NLRP14: variants seen among roughly 807,000 people sequenced by gnomAD.
The protein encoded by NLRP14 is NACHT, LRR and PYD domains-containing protein 14.
NLRP14 carries 105 observed loss-of-function variants against 94.7 expected under a neutral mutation model. The observed-to-expected ratio is 1.11, with a 90% CI of 0.95 to 1.30. NLRP14 has a LOEUF of 1.30. NLRP14 is among the 50% of genes most tolerant of loss of function. NLRP14 has a pLI of 0.00. For synonymous variants in NLRP14, 508 were observed against 459.9 expected (o/e 1.10, Z -1.34); for missense variants, 1,362 against 1,254.1 (o/e 1.09, Z -1.30).
intron 1 of NLRP14, among the ~76,000 whole-genome samples, chr11:7,031,924 C>T (rs1397476997): frequency 6.6e-6 from 1 of 152,186 alleles, no homozygotes; most frequent in Non-Finnish European, 1.5e-5. Context: ...GTTGGTCATC[C>T]TCTCTAGCCT....
chr11:7,046,874 T>C lies in NLRP14; in HGVS notation c.2123+42T>C, dbSNP rs376679982. On this transcript the variant is annotated intron_variant, in intron 5 of 11. Coordinates refer to ENST00000299481, the MANE Select transcript of NLRP14 (RefSeq NM_176822.4). Reference sequence around the variant, plus strand: ...AAAATTTAATGGAGTTATTCTAATTTCTTTCTGTGTCCCATCTTCCACTCA... The same window carrying C: ...AAAATTTAATGGAGTTATTCTAATTCCTTTCTGTGTCCCATCTTCCACTCA... The C allele has an allele frequency of 7.6e-6, 11 of 1,449,524 alleles. No homozygotes were observed. The South Asian group carries it at 9.1e-5, about 12-fold the overall frequency. 89.8% of individuals were successfully genotyped at this position (1,449,524 alleles called of 1,614,324 possible).
intron 1 of NLRP14, among the ~76,000 whole-genome samples, chr11:7,030,619 A>G (rs1439241408): frequency 6.6e-6 from 1 of 151,908 alleles, no homozygotes; most frequent in Non-Finnish European, 1.5e-5. Flanking sequence ...TGCCCCTTCA[A>G]CAGAATGTAA....
chr11:7,078,619 G>C, the NLRP14 span, among the ~76,000 whole-genome samples: 1 of 151,216 alleles, frequency 6.6e-6, no homozygotes. Context: ...GTGAAACCCC[G>C]TCTCTACTAA....
At chr11:7,029,527 T>G (rs1315422392) in intron 1 of NLRP14, among the ~76,000 whole-genome samples, 1 of 152,230 alleles carries the variant, frequency 6.6e-6, no homozygotes, top group Non-Finnish European at 1.5e-5. Flanking sequence ...ATAGGATCTT[T>G]GCGCTCAGCA....
chr11:7,044,055 A>G, intron 4 of NLRP14, 71 bp downstream of exon 4: 2 of 1,485,468 alleles, frequency 1.3e-6, no homozygotes, highest in Admixed American at 3.4e-5. Flanking sequence ...CAGAGGGAGG[A>G]GGCGTTTAGC....
Position 7,043,997 on chromosome 11 carries a change from G to A in NLRP14, c.1958+13G>A. On this transcript the variant is annotated intron_variant, in intron 4 of 11. Transcript: ENST00000299481. Reference sequence around the variant, plus strand: ...CAACTAACACTTGGTAAGTGTGTTAGGGCCATTCCCTGGAAGTGCCCTGTA... The same window carrying A: ...CAACTAACACTTGGTAAGTGTGTTAAGGCCATTCCCTGGAAGTGCCCTGTA... 1.2e-6 allele frequency: 2 copies of A among 1,613,304 alleles called. No homozygotes were observed. The highest frequency in any genetic ancestry group is 1.7e-6 in the Non-Finnish European group (2 of 1,179,264).
In NLRP14 at chr11:7,042,744, A is replaced by C; in HGVS notation, c.718A>C (p.Thr240Pro). 1 of 1,614,236 alleles carries C rather than the reference A, an allele frequency of 6.2e-7. No individual in the cohort carries two copies. The highest frequency in any genetic ancestry group is 8.5e-7 in the Non-Finnish European group (1 of 1,180,030). ...ATTGATATCAAAGGACTGGCCCAGC[A>C]CAGAAGGCCCCATTGAAGAAATCAT... is the stretch of plus-strand genomic sequence containing the variant. ...AQLISKDWPS[T>P]EGPIEEIMYQ... The change falls in exon 4 of 12, where the codon ACA becomes CCA. Residue 240 changes from threonine to proline, a missense_variant. Coordinates refer to ENST00000299481, the MANE Select transcript of NLRP14 (RefSeq NM_176822.4).
At chr11:7,088,043 A>G in the NLRP14 span, among the ~76,000 whole-genome samples, 254 of 152,334 alleles carry the variant, frequency 1.7e-3, no homozygotes, top group South Asian at 3.1e-3. Flanking sequence ...AAATTTTAAG[A>G]CAGTTCTAGT....
intron 6 of NLRP14, among the ~76,000 whole-genome samples, chr11:7,051,412 G>T (rs1407886293): frequency 2.6e-5 from 4 of 152,146 alleles, no homozygotes; most frequent in Admixed American, 1.3e-4. Context: ...CAAGTTTTTA[G>T]AATTGCATTT....
intron 10 of NLRP14, among the ~76,000 whole-genome samples, chr11:7,062,734 C>T (rs1202681101): frequency 1.3e-5 from 2 of 152,054 alleles, no homozygotes; most frequent in Admixed American, 1.3e-4. Context: ...TGGACAGATA[C>T]TTAGTACGCA....
In NLRP14 at chr11:7,052,357, G is replaced by A. The variant is rs894184865; in HGVS notation, c.2291+2519G>A. Among the ~76,000 whole-genome samples, 6 of 152,218 alleles carry A rather than the reference G, an allele frequency of 3.9e-5. No individual in the cohort carries two copies. In the East Asian group the frequency reaches 7.7e-4, roughly 20 times the overall value. ...AACTAGAATAGTTAGATAAGGCCGGGTGTGGTGGCTCACGCCTGTAATCCC... is the reference window on the plus strand; with the variant it reads ...AACTAGAATAGTTAGATAAGGCCGGATGTGGTGGCTCACGCCTGTAATCCC... On this transcript the variant is annotated intron_variant, in intron 6 of 11. Transcript: ENST00000299481.
At position 7,057,845 on chromosome 11, in the gene NLRP14, G is replaced by A. The variant is rs577505332; in HGVS notation, c.2460G>A (p.Leu820=). 8 of 1,610,738 alleles carry A rather than the reference G, an allele frequency of 5.0e-6. No homozygotes were observed. The Admixed American group carries it at 1.0e-4, about 20-fold the overall frequency. The part of the protein sequence containing the change: ...LRHPKCYLER[L]SLESCGLTEA... ...ATCCAAAGTGTTATCTAGAGAGACT[G>A]TCGTGAGTGTTTCTGTTTTGTTTTC... Residue 820 remains leucine (L), a splice_region_variant and synonymous_variant, in exon 7 of 12, where the codon CTG becomes CTA. Transcript: ENST00000299481.
chr11:7,060,031 T>C lies in NLRP14; in HGVS notation c.2771T>C (p.Phe924Ser), dbSNP rs1199612217. ...DNGVKLLCDVFRHPSCNLQDL... is the reference protein window; with the variant it reads ...DNGVKLLCDVSRHPSCNLQDL... ...GGAGTGAAGCTTCTGTGTGATGTCT[T>C]TCGGCATCCAAGCTGTAATCTTCAG... The change falls in exon 9 of 12, where the codon TTT (phenylalanine) becomes TCT (serine). Residue 924 changes from phenylalanine to serine, a missense_variant. By Grantham distance (155) the Phe-to-Ser change is radical (BLOSUM62 -2). Coordinates refer to ENST00000299481, the MANE Select transcript of NLRP14 (RefSeq NM_176822.4). 1.9e-6 allele frequency: 3 copies of C among 1,612,672 alleles called. 1 individual carries two copies. The highest frequency in any genetic ancestry group is 4.5e-5 in the East Asian group (2 of 44,870).
the NLRP14 span, chr11:7,089,106 G>C: frequency 1.2e-6 from 2 of 1,611,278 alleles, no homozygotes; most frequent in South Asian, 1.1e-5. Flanking sequence ...CTGACCGACC[G>C]TTCGACCGGC....
chr11:7,043,707 C>G lies in NLRP14; in HGVS notation c.1681C>G (p.Leu561Val). 1 of 1,614,110 alleles carries G rather than the reference C, an allele frequency of 6.2e-7. No homozygotes were observed. The highest frequency in any genetic ancestry group is 8.5e-7 in the Non-Finnish European group (1 of 1,179,990). The change falls in exon 4 of 12, where the codon CTT becomes GTT. Residue 561 changes from leucine to valine, a missense_variant. Coordinates refer to ENST00000299481, the MANE Select transcript of NLRP14 (RefSeq NM_176822.4). Reference sequence around the variant, plus strand: ...GTCACTGAAGATAAAATCAAAGTTACTTCAGTGTATGGAAGTATTAGGAAA... The same window carrying G: ...GTCACTGAAGATAAAATCAAAGTTAGTTCAGTGTATGGAAGTATTAGGAAA... ...KMSLKIKSKL[L>V]QCMEVLGNSD...
the NLRP14 span, chr11:7,090,518 T>A: frequency 1.6e-6 from 1 of 634,058 alleles, no homozygotes; most frequent in Non-Finnish European, 2.8e-6. Flanking sequence ...TTCAACAAGC[T>A]CCTGTTAAAA....
At chr11:7,052,389 T>C (rs1852453413) in intron 6 of NLRP14, among the ~76,000 whole-genome samples, 1 of 152,186 alleles carries the variant, frequency 6.6e-6, no homozygotes, top group African/African-American at 2.4e-5. Flanking sequence ...TCCCAGCACT[T>C]TGTGAGGCTG....
At position 7,062,424 on chromosome 11, in the gene NLRP14, A is replaced by G; in HGVS notation, c.2896A>G (p.Asn966Asp). Residue 966 changes from asparagine (N) to aspartate (D), a missense_variant, in exon 10 of 12, where the codon AAC becomes GAC. Asn to Asp is a conservative substitution (Grantham distance 23). Transcript: ENST00000299481. ...NPNLRSLDLGNNDLQDDGVKI... is the reference protein window; with the variant it reads ...NPNLRSLDLGDNDLQDDGVKI... ...AAACCTGAGGAGCCTGGACCTTGGGAACAACGATTTGCAGGATGATGGAGT... is the reference window on the plus strand; with the variant it reads ...AAACCTGAGGAGCCTGGACCTTGGGGACAACGATTTGCAGGATGATGGAGT... 6.2e-7 allele frequency: 1 copy of G among 1,613,278 alleles called. No homozygotes were observed. The highest frequency in any genetic ancestry group is 8.5e-7 in the Non-Finnish European group (1 of 1,179,452).
chr11:7,067,219 T>C (rs1370558229), intron 10 of NLRP14, among the ~76,000 whole-genome samples: 6 of 152,140 alleles, frequency 3.9e-5, no homozygotes, highest in Non-Finnish European at 5.9e-5. Context: ...TTTAAAGTAG[T>C]TTTTTCTAAT....
Sources: gnomAD v4.1 joint callset for allele counts (sites outside exome capture counted in the v4.1 genomes callset) on GRCh38, gnomAD v4.1.1 for gene constraint, MANE v1.5 for transcripts, NCBI Gene and HGNC (gene_info 2026-07-23, HGNC 2026-07-21) for gene names.